CHST11: variants seen among roughly 807,000 people sequenced by gnomAD.
The protein encoded by CHST11 is carbohydrate sulfotransferase 11, also known as C4S-1.
CHST11 carries 9 observed loss-of-function variants against 30.4 expected under a neutral mutation model. The ratio of observed to expected loss-of-function variants is 0.30; its 90% CI spans 0.18 to 0.52. CHST11 has a LOEUF of 0.52. CHST11 is among the 20% of genes least tolerant of loss of function. The pLI is 0.97. For synonymous variants in CHST11, 152 were observed against 187.8 expected (o/e 0.81, Z 1.56); for missense variants, 348 against 460.6 (o/e 0.76, Z 2.24).
intron 2 of CHST11, among the ~76,000 whole-genome samples, chr12:104,699,332 A>G (rs1175815960): frequency 6.6e-6 from 1 of 152,254 alleles, no homozygotes; most frequent in Non-Finnish European, 1.5e-5. Context: ...ACAGATTTCA[A>G]AGAGTACAAA....
intron 2 of CHST11, among the ~76,000 whole-genome samples, chr12:104,710,322 G>A (rs7314687): frequency 0.31 from 47,086 of 152,078 alleles, 7,985 homozygotes; most frequent in African/African-American, 0.45. Context: ...TGCACCGCTG[G>A]CGTGGTCTTC....
chr12:104,535,494 A>T (rs1565978199), intron 1 of CHST11, among the ~76,000 whole-genome samples: 1 of 152,172 alleles, frequency 6.6e-6, no homozygotes, highest in Non-Finnish European at 1.5e-5. Flanking sequence ...CAGATCTCAC[A>T]CTGACTCTCT....
At chr12:104,525,361 G>A (rs988001227) in intron 1 of CHST11, among the ~76,000 whole-genome samples, 8 of 152,102 alleles carry the variant, frequency 5.3e-5, no homozygotes, top group African/African-American at 1.9e-4. Flanking sequence ...AGTTTAAATG[G>A]CAAACACTTT....
At chr12:104,637,905 C>A (rs1024020267) in intron 2 of CHST11, among the ~76,000 whole-genome samples, 1 of 152,202 alleles carries the variant, frequency 6.6e-6, no homozygotes, top group Non-Finnish European at 1.5e-5. Context: ...AAGCTCCCGG[C>A]ACTTCTCTTT....
At chr12:104,728,831 G>C (rs1445545147) in intron 2 of CHST11, among the ~76,000 whole-genome samples, 1 of 152,214 alleles carries the variant, frequency 6.6e-6, no homozygotes, top group Non-Finnish European at 1.5e-5. Flanking sequence ...GAGAAAGGCA[G>C]ACATGAGTGT....
chr12:104,758,153 A>G lies in CHST11; in HGVS notation c.*350A>G. ...TTTCTTTTTGTGGCAGCAAAATTCTAACATCTTTCCAGAAGAAATCTATGA... is the reference window on the plus strand; with the variant it reads ...TTTCTTTTTGTGGCAGCAAAATTCTGACATCTTTCCAGAAGAAATCTATGA... On this transcript the variant is annotated 3_prime_UTR_variant, in exon 3 of 3. Transcript: ENST00000303694. 5.6e-6 allele frequency: 1 copy of G among 178,918 alleles called. No homozygotes were observed. The highest frequency in any genetic ancestry group is 1.2e-5 in the Non-Finnish European group (1 of 85,046). The allele number at this position is 178,918 out of a possible 1,614,324, so 11.1% of individuals were successfully genotyped here.
chr12:104,711,193 T>C (rs1295254680), intron 2 of CHST11, among the ~76,000 whole-genome samples: 2 of 152,252 alleles, frequency 1.3e-5, no homozygotes, highest in Non-Finnish European at 1.5e-5. Flanking sequence ...TGAGATGCCC[T>C]GTGGATGCTT....
At chr12:104,460,665 A>C (rs1453048923) in intron 1 of CHST11, among the ~76,000 whole-genome samples, 2 of 3,896 alleles carry the variant, frequency 5.1e-4, no homozygotes, top group East Asian at 0.17. Context: ...CTGTGTCTCA[A>C]AAAAAAAAAA....
intron 2 of CHST11, among the ~76,000 whole-genome samples, chr12:104,618,681 C>T (rs910104193): frequency 6.2e-4 from 95 of 152,202 alleles, no homozygotes; most frequent in African/African-American, 2.2e-3. Flanking sequence ...TTTCTTACTC[C>T]CTCACATTCA....
intron 1 of CHST11, among the ~76,000 whole-genome samples, chr12:104,544,769 T>A (rs552280526): frequency 1.9e-5 from 1 of 51,414 alleles, no homozygotes; most frequent in Admixed American, 2.5e-4. Flanking sequence ...GGGGTCACAG[T>A]CCCCCCACCC....
intron 2 of CHST11, among the ~76,000 whole-genome samples, chr12:104,652,304 G>A (rs905701435): frequency 2.0e-5 from 3 of 152,174 alleles, no homozygotes; most frequent in Admixed American, 6.5e-5. Flanking sequence ...TGTCGGCAGC[G>A]GGATAATTGA....
intron 1 of CHST11, among the ~76,000 whole-genome samples, chr12:104,548,722 T>C (rs552894215): frequency 6.6e-6 from 1 of 152,336 alleles, no homozygotes; most frequent in East Asian, 1.9e-4. Flanking sequence ...GGAAGTGTTA[T>C]GTCTTGCTTG....
intron 1 of CHST11, among the ~76,000 whole-genome samples, chr12:104,557,477 C>T (rs920918782): frequency 6.0e-5 from 9 of 151,106 alleles, no homozygotes; most frequent in African/African-American, 1.7e-4. Flanking sequence ...GGGGATGCAC[C>T]GGGCGGGGAC....
At chr12:104,645,516 G>T (rs1403873833) in intron 2 of CHST11, among the ~76,000 whole-genome samples, 3 of 152,136 alleles carry the variant, frequency 2.0e-5, no homozygotes. Flanking sequence ...ACCTGCAGGT[G>T]GGGGTGGGCA....
rs186491751 is a variant in CHST11 at position 104,513,218 on chromosome 12, C to G, written c.118+55689C>G. On this transcript the variant is annotated intron_variant, in intron 1 of 2. Coordinates refer to ENST00000303694, the MANE Select transcript of CHST11 (RefSeq NM_018413.6). ...GTGTTTGAAACTTGAAACACAGAAA[C>G]TTAGTGTTTCTGTGCCATGTCTCAC... Among the ~76,000 whole-genome samples the G allele has an allele frequency of 3.2e-4, 47 of 147,166 alleles. No homozygotes were observed. In the East Asian group the frequency reaches 5.4e-3, roughly 17 times the overall value.
intron 2 of CHST11, among the ~76,000 whole-genome samples, chr12:104,679,778 G>A (rs1261604012): frequency 2.6e-5 from 4 of 152,088 alleles, no homozygotes; most frequent in African/African-American, 7.2e-5. Context: ...ATGGAGCCCC[G>A]CCCCATGGAA....
At chr12:104,517,107 A>G (rs955658063) in intron 1 of CHST11, among the ~76,000 whole-genome samples, 7 of 152,210 alleles carry the variant, frequency 4.6e-5, no homozygotes, top group African/African-American at 1.7e-4. Flanking sequence ...GAGGTTTAGT[A>G]ACATTCCCAG....
chr12:104,639,445 T>C (rs1208276355), intron 2 of CHST11, among the ~76,000 whole-genome samples: 1 of 152,184 alleles, frequency 6.6e-6, no homozygotes, highest in Non-Finnish European at 1.5e-5. Context: ...CTACACACAG[T>C]AAGCCAATCA....
chr12:104,698,705 C>A (rs1197209776), intron 2 of CHST11, among the ~76,000 whole-genome samples: 4 of 152,132 alleles, frequency 2.6e-5, no homozygotes, highest in Admixed American at 1.3e-4. Context: ...TTCTGCTGAG[C>A]AAATTACTGG....
Sources: allele counts gnomAD v4.1 joint callset (sites outside exome capture counted in the v4.1 genomes callset), GRCh38; gene constraint gnomAD v4.1.1; transcripts MANE v1.5; gene names NCBI Gene and HGNC (gene_info 2026-07-23, HGNC 2026-07-21).